IFT52: variants seen among roughly 807,000 people sequenced by gnomAD.
The protein encoded by IFT52 is intraflagellar transport 52, also known as intraflagellar transport protein 52 homolog.
A neutral mutation model predicts 54.4 loss-of-function variants in IFT52; 44 were observed. The ratio of observed to expected loss-of-function variants is 0.81; its 90% confidence interval spans 0.63 to 1.04. The LOEUF is 1.04. IFT52 is among the 50% of genes least tolerant of loss of function. The pLI, the probability that IFT52 is intolerant of heterozygous loss-of-function variation, is 0.00. For missense variants in IFT52, 452 were observed against 523.6 expected (o/e 0.86, Z 1.33); for synonymous variants, 181 against 185.3 (o/e 0.98, Z 0.19).
chr20:43,617,494 G>T (rs185722929), intron 7 of IFT52, among the ~76,000 whole-genome samples: 2,355 of 151,496 alleles, frequency 0.016, 25 homozygotes, highest in Non-Finnish European at 0.023. Context: ...CCCAGGCTGG[G>T]GTGCAGTGGT....
intron 6 of IFT52, among the ~76,000 whole-genome samples, chr20:43,611,969 G>T (rs1252582911): frequency 1.3e-5 from 2 of 151,982 alleles, no homozygotes; most frequent in Non-Finnish European, 2.9e-5. Context: ...GGCAGAGGTT[G>T]CAGTAAGCTG....
At position 43,620,869 on chromosome 20, in the gene IFT52, C is replaced by T. The variant is rs756176279; in HGVS notation, c.712C>T (p.Gln238Ter). 1 of 1,610,078 alleles carries T rather than the reference C, an allele frequency of 6.2e-7. No individual in the cohort carries two copies. ...ENSKIMDVVF[Q>*]WLTTGDIHLN... ...TTTTTTAATTTAGGATGTTGTTTTCCAGTGGCTCACGACAGGAGACATCCA... is the reference window on the plus strand; with the variant it reads ...TTTTTTAATTTAGGATGTTGTTTTCTAGTGGCTCACGACAGGAGACATCCA... The change falls in exon 9 of 14, where the codon CAG becomes TAG. Residue 238 changes from glutamine (Q) to a stop codon, truncating the protein, a stop_gained. Coordinates refer to ENST00000373030, the MANE Select transcript of IFT52 (RefSeq NM_016004.5). LOFTEE classifies it high-confidence loss of function.
chr20:43,603,972 A>G, intron 4 of IFT52, 83 bp downstream of exon 4: 1 of 1,094,464 alleles, frequency 9.1e-7, no homozygotes, highest in African/African-American at 1.6e-5. Flanking sequence ...CCAGTGGCAT[A>G]ATGGAAAAAG....
chr20:43,613,393 T>A (rs918888247), intron 6 of IFT52, among the ~76,000 whole-genome samples: 2 of 152,268 alleles, frequency 1.3e-5, no homozygotes, highest in Admixed American at 6.5e-5. Context: ...TCATGTTTTT[T>A]AAAATGCTTT....
chr20:43,640,147 G>C (rs1267460792), intron 12 of IFT52, among the ~76,000 whole-genome samples: 1 of 152,100 alleles, frequency 6.6e-6, no homozygotes, highest in Admixed American at 6.6e-5. Flanking sequence ...CTGGTTGACA[G>C]AGCGAGACCC....
At chr20:43,593,609 C>T (rs1401165063) in intron 1 of IFT52, among the ~76,000 whole-genome samples, 8 of 152,120 alleles carry the variant, frequency 5.3e-5, no homozygotes, top group Non-Finnish European at 1.2e-4. Flanking sequence ...GCTGTGTTCT[C>T]CAGGCTGGAG....
intron 6 of IFT52, among the ~76,000 whole-genome samples, chr20:43,608,116 C>G (rs188878129): frequency 1.3e-5 from 2 of 152,078 alleles, no homozygotes; most frequent in South Asian, 2.1e-4. Flanking sequence ...AGCTTCGGCT[C>G]GGCATCAGAG....
chr20:43,612,853 G>A (rs1600477097), intron 6 of IFT52, among the ~76,000 whole-genome samples: 1 of 151,976 alleles, frequency 6.6e-6, no homozygotes, highest in South Asian at 2.1e-4. Context: ...CTAACCTTAC[G>A]CCCTGGTGTT....
intron 6 of IFT52, among the ~76,000 whole-genome samples, chr20:43,607,162 G>A (rs567824776): frequency 1.3e-5 from 2 of 151,834 alleles, no homozygotes; most frequent in East Asian, 2.0e-4. Context: ...AGGGGCAGCC[G>A]GGCAGAGGCG....
intron 6 of IFT52, among the ~76,000 whole-genome samples, chr20:43,607,795 C>A (rs1421364619): frequency 1.3e-5 from 2 of 152,044 alleles, no homozygotes; most frequent in African/African-American, 4.8e-5. Context: ...CCAAGACAGG[C>A]GGCTGGGAGG....
At chr20:43,595,915 C>T (rs540752659) in intron 2 of IFT52, among the ~76,000 whole-genome samples, 5 of 152,106 alleles carry the variant, frequency 3.3e-5, no homozygotes, top group South Asian at 4.2e-4. Flanking sequence ...AAATGTCTTT[C>T]GAAATCAGCA....
intron 3 of IFT52, among the ~76,000 whole-genome samples, chr20:43,602,848 G>A (rs1458144083): frequency 2.0e-5 from 3 of 152,126 alleles, no homozygotes; most frequent in Admixed American, 6.6e-5. Flanking sequence ...CGAGAGGGCC[G>A]TGCTGTGGCA....
At chr20:43,639,746 G>A (rs1050463656) in intron 12 of IFT52, among the ~76,000 whole-genome samples, 1 of 151,952 alleles carries the variant, frequency 6.6e-6, no homozygotes, top group Non-Finnish European at 1.5e-5. Context: ...GGCTGAGGTG[G>A]GAGGATCACT....
chr20:43,605,112 C>A, intron 6 of IFT52, 39 bp downstream of exon 6: 1 of 1,599,654 alleles, frequency 6.3e-7, no homozygotes, highest in South Asian at 1.1e-5. Context: ...GAAGATGTAT[C>A]ATTTTGGAGT....
At chr20:43,601,434 T>C (rs1982432654) in intron 3 of IFT52, among the ~76,000 whole-genome samples, 1 of 152,248 alleles carries the variant, frequency 6.6e-6, no homozygotes, top group African/African-American at 2.4e-5. Flanking sequence ...TCCATTCTTT[T>C]GTTAGAAGGG....
intron 3 of IFT52, among the ~76,000 whole-genome samples, chr20:43,596,736 C>CTCT (rs1293519702): frequency 7.2e-4 from 55 of 75,928 alleles, no homozygotes; most frequent in African/African-American, 2.6e-3. Context: ...AGCCACACTT[C>CTCT]TTTTTTTTTT....
At chr20:43,609,957 AAAATAAAATT>A (rs1568738824) in intron 6 of IFT52, among the ~76,000 whole-genome samples, 2 of 151,112 alleles carry the variant, frequency 1.3e-5, no homozygotes, top group African/African-American at 4.9e-5. Flanking sequence ...TTGAAAAAAT[AAAATAAAATT>A]AAATTAAATT....
At chr20:43,607,433 G>T (rs1351776610) in intron 6 of IFT52, among the ~76,000 whole-genome samples, 3 of 149,830 alleles carry the variant, frequency 2.0e-5, no homozygotes, top group Non-Finnish European at 1.5e-5. Flanking sequence ...GCCGGGCGGA[G>T]GGGCTCCTCA....
chr20:43,633,556 A>G (rs1041173074), intron 10 of IFT52, among the ~76,000 whole-genome samples: 4 of 151,022 alleles, frequency 2.6e-5, no homozygotes, highest in Non-Finnish European at 5.9e-5. Context: ...AAAAATACAA[A>G]AATTTGCTAG....
Sources: gnomAD v4.1 joint callset for allele counts (sites outside exome capture counted in the v4.1 genomes callset) on GRCh38, gnomAD v4.1.1 for gene constraint, MANE v1.5 for transcripts, NCBI Gene and HGNC (gene_info 2026-07-23, HGNC 2026-07-21) for gene names.